CLCN5: variants seen among roughly 807,000 people sequenced by gnomAD.
CLCN5 encodes Cl-/H+ antiporter 5.
In CLCN5, 17 loss-of-function variants were observed where a neutral mutation model predicts 54.0. The observed-to-expected ratio is 0.31, with a 90% CI of 0.22 to 0.47. The LOEUF (loss-of-function observed/expected upper bound fraction) is 0.47, where lower values mean the gene tolerates loss of function less well. CLCN5 is among the 20% of genes least tolerant of loss of function. The pLI, the probability that CLCN5 is intolerant of heterozygous loss-of-function variation, is 1.00. For synonymous variants in CLCN5, 222 were observed against 233.0 expected, an observed-to-expected ratio of 0.95 and a Z score of 0.43; for missense variants, 448 against 646.7, an observed-to-expected ratio of 0.69 and a Z score of 3.33.
intron 8 of CLCN5, among the ~76,000 whole-genome samples, chrX:50,081,128 G>A (rs1557193085): frequency 9.0e-6 from 1 of 111,717 alleles, no homozygotes; most frequent in Non-Finnish European, 1.9e-5. Flanking sequence ...ACTACTTTTG[G>A]CTTAGATTGC....
At chrX:50,035,627 A>T (rs782558394) in intron 3 of CLCN5, among the ~76,000 whole-genome samples, 2 of 111,950 alleles carry the variant, frequency 1.8e-5, no homozygotes, top group Non-Finnish European at 3.8e-5. Flanking sequence ...GGTGGGTGGG[A>T]TTCCACATAG....
intron 3 of CLCN5, among the ~76,000 whole-genome samples, chrX:49,973,819 G>GT (rs1928356074): frequency 9.0e-6 from 1 of 111,114 alleles, no homozygotes; most frequent in African/African-American, 3.3e-5. Context: ...TGTTGGGAAT[G>GT]TAACCCCATC....
At chrX:50,050,729 G>A (rs1932556899) in intron 4 of CLCN5, among the ~76,000 whole-genome samples, 1 of 91,832 alleles carries the variant, frequency 1.1e-5, no homozygotes, top group African/African-American at 4.3e-5. Context: ...GTTCCATCTC[G>A]CTTGGCTCAC....
At chrX:49,930,900 A>C (rs1330087956) in intron 3 of CLCN5, among the ~76,000 whole-genome samples, 1 of 111,648 alleles carries the variant, frequency 9.0e-6, no homozygotes, top group Non-Finnish European at 1.9e-5. Context: ...CTACACCTTT[A>C]TCAGCTGTGT....
intron 3 of CLCN5, among the ~76,000 whole-genome samples, chrX:50,015,897 T>G (rs1337358203): frequency 9.0e-6 from 1 of 111,723 alleles, no homozygotes; most frequent in Non-Finnish European, 1.9e-5. Flanking sequence ...CATTTGGGAC[T>G]TATAGATTCT....
chrX:50,045,510 A>G (rs1191960591), intron 4 of CLCN5, among the ~76,000 whole-genome samples: 2 of 112,345 alleles, frequency 1.8e-5, no homozygotes, highest in African/African-American at 3.2e-5. Flanking sequence ...TCCATCATCT[A>G]TAACTGCAAA....
chrX:49,953,361 A>T (rs141172813), intron 3 of CLCN5, among the ~76,000 whole-genome samples: 1,202 of 111,898 alleles, frequency 0.011, 10 homozygotes, highest in African/African-American at 0.037. Context: ...GCTGGAGTAT[A>T]GTGGTGCGAT....
At chrX:50,069,278 T>C (rs782168533) in intron 4 of CLCN5, among the ~76,000 whole-genome samples, 2 of 111,967 alleles carry the variant, frequency 1.8e-5, no homozygotes, top group South Asian at 7.6e-4. Flanking sequence ...TCATACACTG[T>C]TCTTTAAATC....
At position 50,075,372 on chromosome X, in the gene CLCN5, TTGTATATA is replaced by T. The variant is rs782572073; in HGVS notation, c.416-407_416-400del. ...TTGGGCAATTCACATATTCTGAATC[TTGTATATA>T]TGTATATATGTATATGTATATATAT... On this transcript the variant is annotated intron_variant, in intron 6 of 14. Transcript: ENST00000376091. Among the ~76,000 whole-genome samples the T allele has an allele frequency of 1.8e-3, 195 of 111,350 alleles. 1 individual carries two copies. In the Middle Eastern group the frequency reaches 0.028, roughly 16 times the overall value.
chrX:49,970,742 G>A (rs1557176098), intron 3 of CLCN5, among the ~76,000 whole-genome samples: 1 of 111,671 alleles, frequency 9.0e-6, no homozygotes, highest in African/African-American at 3.3e-5. Context: ...GTTTTTGGGT[G>A]GACATATATT....
Position 50,092,158 on chromosome X carries a change from A to T in CLCN5, c.2390A>T (p.Asp797Val), listed in dbSNP as rs782361927. 2.5e-6 allele frequency: 3 copies of T among 1,205,585 alleles called. No individual in the cohort carries two copies. Among genetic ancestry groups the T allele is most frequent in the Non-Finnish European group, 3.4e-6 (3 of 889,798 alleles). Residue 797 changes from aspartate to valine, a missense_variant, in exon 15 of 15, where the codon GAT becomes GTT. Around this residue, in one of 5 missense-constraint regions of CLCN5, gnomAD observed 297 missense variants for 470.4 expected, o/e 0.63. Coordinates refer to ENST00000376091, the MANE Select transcript of CLCN5 (RefSeq NM_001127898.4). ...GRLLGIITKK[D>V]VLKHIAQMAN... is the part of the protein sequence containing the mutation. ...TTGCTTGGAATCATTACCAAAAAGG[A>T]TGTGTTAAAGCATATAGCACAGATG...
intron 3 of CLCN5, among the ~76,000 whole-genome samples, chrX:49,983,921 GTGT>G (rs1174466939): frequency 3.6e-5 from 4 of 109,994 alleles, no homozygotes; most frequent in Non-Finnish European, 7.6e-5. Context: ...TGTGCAAATG[GTGT>G]TGTTTTTATT....
intron 4 of CLCN5, among the ~76,000 whole-genome samples, chrX:50,064,238 C>T (rs1932923476): frequency 9.0e-6 from 1 of 111,099 alleles, no homozygotes; most frequent in African/African-American, 3.3e-5. Flanking sequence ...TTGCAGATGA[C>T]ATGATTGTAT....
intron 3 of CLCN5, among the ~76,000 whole-genome samples, chrX:49,958,462 T>G (rs1453327255): frequency 1.8e-5 from 2 of 111,968 alleles, no homozygotes; most frequent in African/African-American, 6.5e-5. Context: ...ATTACCTCAG[T>G]CTATGATTCT....
intron 3 of CLCN5, among the ~76,000 whole-genome samples, chrX:49,944,755 A>C (rs910794915): frequency 9.0e-6 from 1 of 111,715 alleles, no homozygotes; most frequent in Non-Finnish European, 1.9e-5. Flanking sequence ...GGATGAAGCC[A>C]ACTTGATCGT....
chrX:50,089,895 A>G (rs1557194477), intron 12 of CLCN5, among the ~76,000 whole-genome samples: 2 of 111,427 alleles, frequency 1.8e-5, no homozygotes, highest in African/African-American at 3.3e-5. Context: ...CAAAAAAAGA[A>G]AGAGAGAGAA....
In CLCN5 at chrX:50,080,631, T is replaced by C; in HGVS notation, c.641T>C (p.Val214Ala). Residue 214 changes from valine to alanine, a missense_variant, in exon 8 of 15, where the codon GTC (valine) becomes GCC (alanine). By Grantham distance (64) the Val-to-Ala change is moderately conservative (BLOSUM62 0). This residue lies in a region of CLCN5 where 40 missense variants were observed against 27.8 expected (regional missense o/e 1.44). Transcript: ENST00000376091. ...FAYIVNYFMY[V>A]LWALLFAFLA... ...TACATAGTCAATTATTTCATGTACG[T>C]CCTCTGGGCTCTCCTATTTGCCTTC... 1 of 1,206,056 alleles carries C rather than the reference T, an allele frequency of 8.3e-7. No individual in the cohort carries two copies. The highest frequency in any genetic ancestry group is 1.8e-5 in the South Asian group (1 of 56,847).
At chrX:50,089,052 T>G (rs1456440684) in intron 12 of CLCN5, among the ~76,000 whole-genome samples, 168 bp downstream of exon 12, 1 of 109,200 alleles carries the variant, frequency 9.2e-6, no homozygotes, top group African/African-American at 3.4e-5. Context: ...ATGAGGAAAC[T>G]AAAAAAAATA....
At chrX:49,979,731 T>C (rs782619658) in intron 3 of CLCN5, among the ~76,000 whole-genome samples, 4 of 111,009 alleles carry the variant, frequency 3.6e-5, no homozygotes, top group Non-Finnish European at 7.6e-5. Context: ...AACTAACATA[T>C]GTATCACTTC....
Sources: allele counts gnomAD v4.1 joint callset (sites outside exome capture counted in the v4.1 genomes callset), GRCh38; gene constraint gnomAD v4.1.1; regional missense constraint gnomAD v4.1.1; transcripts MANE v1.5; gene names NCBI Gene and HGNC (gene_info 2026-07-23, HGNC 2026-07-21).